The following HIF1A variants were observed in gnomAD, a reference collection of about 807,000 sequenced individuals.
HIF1A encodes the protein hypoxia inducible factor 1 subunit alpha, also known as hypoxia-inducible factor 1-alpha.
HIF1A carries 24 observed loss-of-function variants against 92.7 expected under a neutral mutation model. The ratio of observed to expected loss-of-function variants is 0.26; its 90% confidence interval spans 0.19 to 0.36. The LOEUF is 0.36. HIF1A is among the 10% of genes least tolerant of loss of function. The pLI is 1.00. For missense variants in HIF1A, 799 were observed against 998.5 expected (o/e 0.80, Z 2.69); for synonymous variants, 319 against 338.7 (o/e 0.94, Z 0.64).
At chr14:61,706,876 G>T (rs1175333205) in intron 1 of HIF1A, among the ~76,000 whole-genome samples, 3 of 152,164 alleles carry the variant, frequency 2.0e-5, no homozygotes, top group Non-Finnish European at 2.9e-5. Flanking sequence ...CCAGGGTTGG[G>T]ATTTGGCCTT....
chr14:61,696,044 G>C (rs150526501), intron 1 of HIF1A, among the ~76,000 whole-genome samples: 1 of 152,314 alleles, frequency 6.6e-6, no homozygotes, highest in Admixed American at 6.5e-5. Flanking sequence ...CGTGGGGGGT[G>C]GGAGACGCCT....
intron 8 of HIF1A, among the ~76,000 whole-genome samples, chr14:61,735,584 T>A (rs1488083662): frequency 6.6e-6 from 1 of 152,232 alleles, no homozygotes; most frequent in Non-Finnish European, 1.5e-5. Flanking sequence ...ATAAATTTCT[T>A]AAGGTCAAGG....
intron 1 of HIF1A, among the ~76,000 whole-genome samples, chr14:61,701,918 G>T (rs2044181302): frequency 6.6e-6 from 1 of 152,120 alleles, no homozygotes; most frequent in Non-Finnish European, 1.5e-5. Flanking sequence ...AACCTGGGAG[G>T]CGGAGGTTGC....
intron 9 of HIF1A, among the ~76,000 whole-genome samples, chr14:61,737,479 A>AG (rs1594883793): frequency 6.6e-6 from 1 of 152,244 alleles, no homozygotes; most frequent in Non-Finnish European, 1.5e-5. Flanking sequence ...TATAACATCA[A>AG]GCATTGAAGA....
intron 2 of HIF1A, among the ~76,000 whole-genome samples, chr14:61,720,967 C>T (rs1207193413): frequency 2.6e-5 from 4 of 152,110 alleles, no homozygotes; most frequent in Non-Finnish European, 4.4e-5. Context: ...TCAGGCCGGG[C>T]GCGGTGGCTC....
chr14:61,695,658 C>G lies in HIF1A; in HGVS notation c.-147C>G, dbSNP rs2044103738. ...CCCGGCGATTGCCGCCCGCTTCTCT[C>G]TAGTCTCACGAGGGGTTTCCCGCCT... On this transcript the variant is annotated 5_prime_UTR_variant, in exon 1 of 15. Coordinates refer to ENST00000337138, the MANE Select transcript of HIF1A (RefSeq NM_001530.4). 7.3e-6 allele frequency: 6 copies of G among 826,636 alleles called. No homozygotes were observed. Among genetic ancestry groups the G allele is most frequent in the East Asian group, 5.5e-5 (2 of 36,312 alleles). 51.2% of individuals were successfully genotyped at this position (826,636 alleles called of 1,614,324 possible).
chr14:61,707,706 T>C (rs1017388006), intron 1 of HIF1A, among the ~76,000 whole-genome samples: 10 of 151,032 alleles, frequency 6.6e-5, no homozygotes, highest in South Asian at 4.2e-4. Context: ...CAGTCTATCA[T>C]TATTGGACAT....
chr14:61,732,374 G>A lies in HIF1A; in HGVS notation c.774-44G>A, dbSNP rs544975579. The stretch of plus-strand genomic sequence containing the variant: ...GGAGGAGAAAAATTTTTCTTTATCA[G>A]TGTCTCCCTTTTTTTTCTTAAATCT... On this transcript the variant is annotated intron_variant, in intron 6 of 14. Coordinates refer to ENST00000337138, the MANE Select transcript of HIF1A (RefSeq NM_001530.4). 4 of 1,312,776 alleles carry A rather than the reference G, an allele frequency of 3.0e-6. No individual in the cohort carries two copies. The South Asian group carries it at 4.8e-5, about 16-fold the overall frequency. 81.3% of individuals were successfully genotyped at this position (1,312,776 alleles called of 1,614,324 possible).
chr14:61,721,428 C>A (rs1594870776), intron 2 of HIF1A, 81 bp from the exon 3 acceptor site: 1 of 1,247,052 alleles, frequency 8.0e-7, no homozygotes. Context: ...TGCGAGAAAA[C>A]TTTGTAAAAA....
chr14:61,726,055 A>G (rs1182462812), intron 4 of HIF1A, among the ~76,000 whole-genome samples: 1 of 151,808 alleles, frequency 6.6e-6, no homozygotes, highest in Non-Finnish European at 1.5e-5. Flanking sequence ...CCTGACCTCA[A>G]GTGATCCTCT....
At chr14:61,710,263 T>G (rs1010884933) in intron 1 of HIF1A, among the ~76,000 whole-genome samples, 2 of 152,208 alleles carry the variant, frequency 1.3e-5, no homozygotes, top group Admixed American at 6.5e-5. Context: ...GTGACGTGTT[T>G]TGTCAGTTAG....
chr14:61,735,803 T>G (rs1162359690), intron 8 of HIF1A, among the ~76,000 whole-genome samples: 12 of 152,182 alleles, frequency 7.9e-5, no homozygotes, highest in Non-Finnish European at 1.5e-4. Context: ...CTTAATCATT[T>G]ATCTGTGTAT....
chr14:61,724,085 A>G (rs886645343), intron 4 of HIF1A, among the ~76,000 whole-genome samples: 1 of 151,772 alleles, frequency 6.6e-6, no homozygotes. Context: ...AGAGTTTAAA[A>G]TTTAGGTTTT....
chr14:61,734,117 TC>T lies in HIF1A; in HGVS notation c.881-20del. 1 of 1,499,772 alleles carries T rather than the reference TC, an allele frequency of 6.7e-7. No individual in the cohort carries two copies. Among genetic ancestry groups the T allele is most frequent in the Non-Finnish European group, 9.0e-7 (1 of 1,116,594 alleles). 92.9% of individuals were successfully genotyped at this position (1,499,772 alleles called of 1,614,324 possible). On this transcript the variant is annotated intron_variant, in intron 7 of 14. Transcript: ENST00000337138. ...AGTTAAAATATTTTCTCTGCATGAT[TC>T]TTTTTCTTTTCCCCCCTAGTGTTTA...
chr14:61,707,304 GTT>G lies in HIF1A; in HGVS notation c.35+11474_35+11475del, dbSNP rs11335043. Among the ~76,000 whole-genome samples the G allele has an allele frequency of 1.1e-3, 169 of 151,282 alleles. 5 individuals are homozygous for G. In the East Asian group the frequency reaches 0.031, roughly 28 times the overall value. On this transcript the variant is annotated intron_variant, in intron 1 of 14. Transcript: ENST00000337138. ...CTGGAAGTAAGGCTCAGCATTCTGT[GTT>G]TTTTTTTTCTTTATTATACTTTAAG... is the stretch of plus-strand genomic sequence containing the variant.
chr14:61,744,603 TA>T, intron 12 of HIF1A, 101 bp from the exon 13 acceptor site: 1 of 552,004 alleles, frequency 1.8e-6, no homozygotes. Context: ...TTATATTCCT[TA>T]ATATTGGAGA....
chr14:61,744,872 TG>T, intron 13 of HIF1A, 59 bp downstream of exon 13: 1 of 629,226 alleles, frequency 1.6e-6, no homozygotes, highest in Non-Finnish European at 2.8e-6. Context: ...TGTGTGTGTG[TG>T]TGTGTGTGTG....
chr14:61,731,984 A>AAATTCTC (rs2044581155), intron 6 of HIF1A, among the ~76,000 whole-genome samples: 1 of 152,204 alleles, frequency 6.6e-6, no homozygotes. Context: ...TAAAAATACA[A>AAATTCTC]AATTAGCTGG....
intron 12 of HIF1A, among the ~76,000 whole-genome samples, chr14:61,742,915 G>A (rs1223564250): frequency 4.2e-5 from 5 of 120,068 alleles, no homozygotes; most frequent in African/African-American, 1.4e-4. Context: ...AAAGTTGTTG[G>A]ACTGACAGAT....
Sources: allele counts gnomAD v4.1 joint callset (sites outside exome capture counted in the v4.1 genomes callset), GRCh38; gene constraint gnomAD v4.1.1; transcripts MANE v1.5; gene names NCBI Gene and HGNC (gene_info 2026-07-23, HGNC 2026-07-21).